Variants in TFEC observed in about 807,000 individuals in gnomAD.
The protein encoded by TFEC is transcription factor EC.
In TFEC, 31 loss-of-function variants were observed where a neutral mutation model predicts 41.6. That is an observed-to-expected ratio of 0.74 (90% CI 0.56 to 1.01). TFEC has a LOEUF of 1.01. Ranked by LOEUF, TFEC falls within the 50% of genes least tolerant of loss-of-function variation. The probability of loss-of-function intolerance (pLI) is 0.00; values close to 1 mark genes in which losing one functional copy is unlikely to be tolerated. For synonymous variants in TFEC, 143 were observed against 140.6 expected (o/e 1.02, Z -0.12); for missense variants, 402 against 404.1 (o/e 0.99, Z 0.04).
chr7:116,156,159 T>G (rs369848881), intron 1 of TFEC, among the ~76,000 whole-genome samples: 15 of 152,126 alleles, frequency 9.9e-5, no homozygotes, highest in African/African-American at 3.6e-4. Context: ...GGGACACTTA[T>G]GTCTACACTG....
chr7:116,083,899 G>A (rs1797145932), intron 3 of TFEC, among the ~76,000 whole-genome samples: 1 of 151,832 alleles, frequency 6.6e-6, no homozygotes. Flanking sequence ...GCTAAAACCT[G>A]TTGATAATGA....
At chr7:116,065,369 A>C (rs1264994607) in intron 3 of TFEC, among the ~76,000 whole-genome samples, 1 of 152,188 alleles carries the variant, frequency 6.6e-6, no homozygotes, top group African/African-American at 2.4e-5. Flanking sequence ...GGTTTACCTT[A>C]TCATTCCATT....
intron 1 of TFEC, among the ~76,000 whole-genome samples, chr7:116,125,044 G>A (rs1798182344): frequency 6.6e-6 from 1 of 152,028 alleles, no homozygotes; most frequent in South Asian, 2.1e-4. Flanking sequence ...AATACTGAAG[G>A]CCCACAATTA....
chr7:115,947,003 C>T (rs939026521), intron 6 of TFEC, among the ~76,000 whole-genome samples: 1 of 150,828 alleles, frequency 6.6e-6, no homozygotes, highest in African/African-American at 2.4e-5. Context: ...ATGTGCCATG[C>T]TGGTGCGCTG....
intron 5 of TFEC, among the ~76,000 whole-genome samples, chr7:115,954,307 A>C (rs1792101162): frequency 6.6e-6 from 1 of 152,104 alleles, no homozygotes; most frequent in South Asian, 2.1e-4. Context: ...GAGTCACAAC[A>C]GAATTCAAAT....
chr7:116,148,917 G>A (rs1798699612), intron 1 of TFEC, among the ~76,000 whole-genome samples: 3 of 151,904 alleles, frequency 2.0e-5, no homozygotes, highest in African/African-American at 7.2e-5. Context: ...AAAAAAAATG[G>A]CCCAAAGACT....
intron 3 of TFEC, among the ~76,000 whole-genome samples, chr7:116,071,596 A>C (rs1378455660): frequency 6.6e-6 from 1 of 151,382 alleles, no homozygotes; most frequent in East Asian, 1.9e-4. Context: ...CTAGATCTAA[A>C]GAGATTTATT....
At chr7:115,968,326 CTT>C in intron 3 of TFEC, 14 of 1,479,284 alleles carry the variant, frequency 9.5e-6, no homozygotes, top group Non-Finnish European at 1.2e-5. Context: ...AACTTTGGTT[CTT>C]CTTTGGACTT....
chr7:115,989,906 T>G (rs955501653), intron 1 of TFEC, among the ~76,000 whole-genome samples: 1 of 152,236 alleles, frequency 6.6e-6, no homozygotes, highest in Non-Finnish European at 1.5e-5. Context: ...GTCTGAGATC[T>G]GAGAATGGAC....
rs561425337 is a variant in TFEC at position 115,940,910 on chromosome 7, T to C, written c.685A>G (p.Thr229Ala). 2 of 1,582,538 alleles carry C rather than the reference T, an allele frequency of 1.3e-6. No individual in the cohort carries two copies. The highest frequency in any genetic ancestry group is 2.3e-5 in the South Asian group (2 of 87,424). ...GAAGCCAGGGTTGGCAGACCATGAG[T>C]ACGAGCCTGAATTTCTAGTTCCTGT... ...RIQELEIQAR[T>A]HGLPTLASLG... The change falls in exon 8 of 8, where the codon ACT becomes GCT. Residue 229 changes from threonine (T) to alanine (A), a missense_variant. Thr to Ala is a moderately conservative substitution (Grantham distance 58). Transcript: ENST00000265440.
At chr7:116,032,873 TAATAA>T, upstream of TFEC, among the ~76,000 whole-genome samples, 1 of 152,264 alleles carries the variant, frequency 6.6e-6, no homozygotes, top group South Asian at 2.1e-4. Context: ...ATGTCGTTTC[TAATAA>T]AATATAGTTT....
chr7:115,966,502 A>G (rs958393851), intron 3 of TFEC, among the ~76,000 whole-genome samples: 2 of 151,736 alleles, frequency 1.3e-5, no homozygotes, highest in Non-Finnish European at 2.9e-5. Context: ...ATCTCAAGTA[A>G]TCTTTACAAC....
intron 2 of TFEC, 71 bp downstream of exon 2, chr7:115,984,191 A>C (rs533900550): frequency 8.7e-5 from 135 of 1,543,966 alleles, no homozygotes; most frequent in Non-Finnish European, 1.2e-4. Flanking sequence ...TAAAATGTTG[A>C]CTTCAATTAC....
intron 3 of TFEC, among the ~76,000 whole-genome samples, chr7:116,047,441 T>C (rs4599744): frequency 0.61 from 92,678 of 151,870 alleles, 28,760 homozygotes; most frequent in East Asian, 0.74. Flanking sequence ...CAGGTGGCAG[T>C]GAGGCTGGGG....
intron 5 of TFEC, among the ~76,000 whole-genome samples, chr7:115,953,817 C>T (rs1385953741): frequency 2.0e-5 from 3 of 151,944 alleles, no homozygotes; most frequent in East Asian, 3.9e-4. Context: ...TTCACAAGTA[C>T]GTGTATACTC....
intron 3 of TFEC, among the ~76,000 whole-genome samples, chr7:116,078,561 C>G (rs1397950684): frequency 2.6e-5 from 4 of 151,896 alleles, no homozygotes; most frequent in African/African-American, 9.7e-5. Context: ...AACACCTTTA[C>G]ATGCATACTC....
chr7:115,972,358 T>C (rs575228698), intron 3 of TFEC, among the ~76,000 whole-genome samples: 1 of 152,230 alleles, frequency 6.6e-6, no homozygotes, highest in East Asian at 1.9e-4. Context: ...ACCAATATTT[T>C]TCATTATTCC....
chr7:116,115,409 G>C lies in TFEC; in HGVS notation c.-68-3371C>G, dbSNP rs1444889367. ...AGGATAGAGCTGGCTTTTTTAGGAG[G>C]CTTTATGGGATAATCCACTTTCCTG... On this transcript the variant is annotated intron_variant, in intron 1 of 8. Transcript: ENST00000484212. Among the ~76,000 whole-genome samples, 7 of 152,052 alleles carry C rather than the reference G, an allele frequency of 4.6e-5. 1 individual carries two copies. The highest frequency in any genetic ancestry group is 3.4e-3 in the Middle Eastern group (1 of 294).
intron 3 of TFEC, among the ~76,000 whole-genome samples, chr7:116,101,894 G>T (rs1253726295): frequency 2.0e-5 from 3 of 152,138 alleles, no homozygotes; most frequent in Non-Finnish European, 4.4e-5. Context: ...CTGAACATTT[G>T]TTCATATGTT....
Sources: gnomAD v4.1 joint callset for allele counts (sites outside exome capture counted in the v4.1 genomes callset) on GRCh38, gnomAD v4.1.1 for gene constraint, MANE v1.5 for transcripts, NCBI Gene and HGNC (gene_info 2026-07-23, HGNC 2026-07-21) for gene names.